ATP2B2: variants seen among roughly 807,000 people sequenced by gnomAD.
ATP2B2 encodes ATPase plasma membrane Ca2+ transporting 2, also known as plasma membrane calcium-transporting ATPase 2.
In ATP2B2, 15 loss-of-function variants were observed where a neutral mutation model predicts 120.0. The ratio of observed to expected loss-of-function variants is 0.12; its 90% CI spans 0.08 to 0.19. ATP2B2 has a LOEUF of 0.19. ATP2B2 is among the 10% of genes least tolerant of loss of function. ATP2B2 has a pLI of 1.00. For synonymous variants in ATP2B2, 694 were observed against 700.3 expected (o/e 0.99, Z 0.14); for missense variants, 1,045 against 1,719.8 (o/e 0.61, Z 6.94).
intron 1 of ATP2B2, among the ~76,000 whole-genome samples, chr3:10,624,730 A>G (rs2069647055): frequency 6.6e-6 from 1 of 152,264 alleles, no homozygotes; most frequent in African/African-American, 2.4e-5. Flanking sequence ...GCATGAATGA[A>G]TGCATGAATG....
chr3:10,368,684 C>T (rs929946696), intron 12 of ATP2B2, among the ~76,000 whole-genome samples: 11 of 151,800 alleles, frequency 7.2e-5, no homozygotes, highest in Non-Finnish European at 2.9e-5. Flanking sequence ...ATCCACCTAA[C>T]CGCCATCCAT....
chr3:10,469,423 A>C (rs2074611452), intron 1 of ATP2B2, among the ~76,000 whole-genome samples: 3 of 152,376 alleles, frequency 2.0e-5, no homozygotes, highest in East Asian at 1.9e-4. Context: ...TTGTTAGGTG[A>C]AGGAATGAAA....
intron 11 of ATP2B2, among the ~76,000 whole-genome samples, chr3:10,373,102 AG>A (rs1242816059): frequency 6.6e-6 from 1 of 152,254 alleles, no homozygotes; most frequent in African/African-American, 2.4e-5. Context: ...TTGTGATAAT[AG>A]TAATAATAAA....
Position 10,375,517 on chromosome 3 carries a change from G to T in ATP2B2, c.1329C>A (p.Phe443Leu). 1 of 1,613,764 alleles carries T rather than the reference G, an allele frequency of 6.2e-7. No homozygotes were observed. The highest frequency in any genetic ancestry group is 8.5e-7 in the Non-Finnish European group (1 of 1,180,038). The change falls in exon 11 of 23, where the codon TTC (phenylalanine) becomes TTA (leucine). Residue 443 changes from phenylalanine to leucine, a missense_variant. By Grantham distance (22) the Phe-to-Leu change is conservative. Around this residue, in one of 11 missense-constraint regions of ATP2B2, gnomAD observed 343 missense variants for 536.8 expected, o/e 0.64. Transcript: ENST00000360273. The surrounding 1 kb of genome is among the most constrained non-coding windows in gnomAD (Gnocchi z 4.2). The part of the protein sequence containing the change: ...TPVYVQYFVK[F>L]FIIGVTVLVV... ...CCAGCACCGTCACGCCAATGATGAA[G>T]AACTTGACAAAGTACTGCACGTAGA...
intron 2 of ATP2B2, among the ~76,000 whole-genome samples, chr3:10,540,072 A>G (rs2067400739): frequency 6.6e-6 from 1 of 152,252 alleles, no homozygotes; most frequent in Non-Finnish European, 1.5e-5. Flanking sequence ...ATGAACAGAC[A>G]TTTCTCAAAA....
chr3:10,357,071 A>C (rs1292378016), intron 14 of ATP2B2, among the ~76,000 whole-genome samples: 1 of 152,058 alleles, frequency 6.6e-6, no homozygotes, highest in Admixed American at 6.6e-5. Context: ...GCAAACACTC[A>C]TTGAACACCT....
chr3:10,488,663 A>G (rs1224902467), intron 1 of ATP2B2, among the ~76,000 whole-genome samples: 1 of 152,036 alleles, frequency 6.6e-6, no homozygotes, highest in Non-Finnish European at 1.5e-5. Context: ...TAAAATAAAA[A>G]TTATCTCATT....
In ATP2B2 at chr3:10,346,246, C is replaced by T; in HGVS notation, c.2405-109G>A. On this transcript the variant is annotated intron_variant, in intron 16 of 22. Coordinates refer to ENST00000360273, the MANE Select transcript of ATP2B2 (RefSeq NM_001001331.4). This position sits in a 1 kb window ranked among gnomAD's most constrained non-coding sequence, Gnocchi z 4.1. ...GGCTGGGCATGGCTTCCTCTCTGGT[C>T]CCTGTCCAGCCGCCCCCTCCATCCA... The T allele has an allele frequency of 2.9e-6, 3 of 1,030,138 alleles. No homozygotes were observed. The highest frequency in any genetic ancestry group is 1.3e-5 in the South Asian group (1 of 75,102). The allele number at this position is 1,030,138 out of a possible 1,614,324, so 63.8% of individuals were successfully genotyped here.
At chr3:10,414,532 T>G (rs1447590960) in intron 2 of ATP2B2, among the ~76,000 whole-genome samples, 1 of 152,222 alleles carries the variant, frequency 6.6e-6, no homozygotes, top group African/African-American at 2.4e-5. Context: ...CAGCTGCTTC[T>G]CAGCTCCTGT....
At chr3:10,460,678 T>A (rs2064451045) in intron 1 of ATP2B2, among the ~76,000 whole-genome samples, 1 of 152,164 alleles carries the variant, frequency 6.6e-6, no homozygotes, top group Admixed American at 6.5e-5. Context: ...AACAAAATGA[T>A]ACTGTATAAA....
chr3:10,416,204 G>A (rs2062775520), intron 2 of ATP2B2, among the ~76,000 whole-genome samples: 1 of 152,216 alleles, frequency 6.6e-6, no homozygotes, highest in Admixed American at 6.5e-5. Context: ...CGCAAAGTGA[G>A]GGACTGGCTG....
chr3:10,359,798 C>A, intron 13 of ATP2B2, 84 bp downstream of exon 13: 2 of 1,583,048 alleles, frequency 1.3e-6, no homozygotes, highest in Admixed American at 3.4e-5. Context: ...GCCTGGATGG[C>A]GGCCAGTGCT....
At position 10,410,694 on chromosome 3, in the gene ATP2B2, C is replaced by T. The variant is rs376027431; in HGVS notation, c.321G>A (p.Thr107=). 31 of 1,614,042 alleles carry T rather than the reference C, an allele frequency of 1.9e-5. No homozygotes were observed. The highest frequency in any genetic ancestry group is 1.6e-4 in the Middle Eastern group (1 of 6,080). The change falls in exon 3 of 23, where the codon ACG becomes ACA. Residue 107 remains threonine (T), a synonymous_variant. Coordinates refer to ENST00000360273, the MANE Select transcript of ATP2B2 (RefSeq NM_001001331.4). Reference sequence around the variant, plus strand: ...TGGCGGCAATCTCCAGGATGATGAGCGTCACGTCCTGCAGCGCCTCCCACA... The same window carrying T: ...TGGCGGCAATCTCCAGGATGATGAGTGTCACGTCCTGCAGCGCCTCCCACA... ...QLVWEALQDV[T]LIILEIAAII... is the part of the protein sequence containing the mutation.
chr3:10,374,579 C>T (rs974134093), intron 11 of ATP2B2, among the ~76,000 whole-genome samples: 2 of 152,220 alleles, frequency 1.3e-5, no homozygotes, highest in African/African-American at 4.8e-5. Flanking sequence ...CACTGGGAAA[C>T]AGAAGCCCTA....
rs763566134 is a variant in ATP2B2, at chr3:10,378,340, G to A, written c.1113C>T (p.Asp371=). ...PLKSAEGGDA[D]DRKKASMHKK... Reference sequence around the variant, plus strand: ...TGTGCATGCTGGCCTTCTTCCTGTCGTCAGCGTCGCCGCCCTCGGCACTCT... The same window carrying A: ...TGTGCATGCTGGCCTTCTTCCTGTCATCAGCGTCGCCGCCCTCGGCACTCT... Residue 371 remains aspartate (D), a synonymous_variant, in exon 10 of 23, where the codon GAC becomes GAT. Transcript: ENST00000360273. 1.7e-5 allele frequency: 27 copies of A among 1,608,244 alleles called. No homozygotes were observed. Among genetic ancestry groups the A allele is most frequent in the Admixed American group, 1.2e-4 (7 of 60,008 alleles).
intron 2 of ATP2B2, among the ~76,000 whole-genome samples, chr3:10,606,731 G>A (rs1316456578): frequency 6.6e-6 from 1 of 152,074 alleles, no homozygotes. Flanking sequence ...GTGTCTGTGT[G>A]TATGTGTGTT....
intron 1 of ATP2B2, among the ~76,000 whole-genome samples, chr3:10,490,549 C>T (rs148096963): frequency 2.7e-3 from 418 of 152,080 alleles, no homozygotes; most frequent in Non-Finnish European, 4.6e-3. Flanking sequence ...TACAGGTGCA[C>T]GCCACCATGC....
intron 2 of ATP2B2, among the ~76,000 whole-genome samples, chr3:10,538,131 T>C (rs560044935): frequency 6.6e-6 from 1 of 152,362 alleles, no homozygotes; most frequent in African/African-American, 2.4e-5. Flanking sequence ...CTGGTTTTGA[T>C]ATTATGATAA....
intron 16 of ATP2B2, 137 bp downstream of exon 16, chr3:10,349,975 G>T (rs762372190): frequency 1.2e-6 from 1 of 845,430 alleles, no homozygotes; most frequent in East Asian, 2.7e-5. Context: ...GGTGACATAA[G>T]GCTGTGCCCA....
Sources: allele counts gnomAD v4.1 joint callset (sites outside exome capture counted in the v4.1 genomes callset), GRCh38; gene constraint gnomAD v4.1.1; regional missense constraint gnomAD v4.1.1; non-coding constraint Gnocchi (gnomAD v3.1); transcripts MANE v1.5; gene names NCBI Gene and HGNC (gene_info 2026-07-23, HGNC 2026-07-21).